The following SCFD2 variants were observed in gnomAD, a reference collection of about 807,000 sequenced individuals.
SCFD2 encodes the protein sec1 family domain-containing protein 2.
In SCFD2, 54 loss-of-function variants were observed where a neutral mutation model predicts 58.9. That is an observed-to-expected ratio of 0.92 (90% CI 0.74 to 1.15). The LOEUF (loss-of-function observed/expected upper bound fraction) is 1.15, where lower values mean the gene tolerates loss of function less well. Ranked by LOEUF, SCFD2 falls within the 50% of genes most tolerant of loss-of-function variation. The probability of loss-of-function intolerance (pLI) is 0.00; values close to 1 mark genes in which losing one functional copy is unlikely to be tolerated. For missense variants in SCFD2, 805 were observed against 836.6 expected (o/e 0.96, Z 0.47); for synonymous variants, 321 against 335.9 (o/e 0.96, Z 0.49).
chr4:53,163,454 G>A (rs1190543047), intron 4 of SCFD2, among the ~76,000 whole-genome samples: 1 of 152,090 alleles, frequency 6.6e-6, no homozygotes, highest in Non-Finnish European at 1.5e-5. Flanking sequence ...CCAGGCGCAG[G>A]GGCTCACACC....
At chr4:53,332,569 A>T (rs1444080544) in intron 2 of SCFD2, among the ~76,000 whole-genome samples, 4 of 152,256 alleles carry the variant, frequency 2.6e-5, no homozygotes, top group Admixed American at 1.3e-4. Flanking sequence ...AAAAACTCTC[A>T]ATAAATTAGG....
At chr4:53,154,247 T>G (rs1389375731) in intron 4 of SCFD2, among the ~76,000 whole-genome samples, 1 of 152,232 alleles carries the variant, frequency 6.6e-6, no homozygotes. Flanking sequence ...CTCACAGTTC[T>G]GCAGGCTGTA....
chr4:53,186,716 A>G (rs1235147143), intron 4 of SCFD2, among the ~76,000 whole-genome samples: 2 of 152,086 alleles, frequency 1.3e-5, no homozygotes, highest in Non-Finnish European at 2.9e-5. Context: ...TAGAGGTAGA[A>G]GGCCTAAATA....
intron 4 of SCFD2, among the ~76,000 whole-genome samples, chr4:53,230,903 T>C (rs1729416494): frequency 6.6e-6 from 1 of 152,248 alleles, no homozygotes; most frequent in African/African-American, 2.4e-5. Context: ...TAAAGAACTA[T>C]ACATACATCA....
chr4:53,340,830 G>A (rs994222333), intron 2 of SCFD2, among the ~76,000 whole-genome samples: 6 of 152,330 alleles, frequency 3.9e-5, no homozygotes, highest in African/African-American at 1.2e-4. Context: ...AGCCTCCGCT[G>A]CTGATACCCA....
At chr4:53,110,549 A>G (rs1725139550) in intron 5 of SCFD2, among the ~76,000 whole-genome samples, 1 of 152,046 alleles carries the variant, frequency 6.6e-6, no homozygotes, top group African/African-American at 2.4e-5. Context: ...TTACAAGAAA[A>G]CAAACAAACA....
At chr4:53,138,128 A>G (rs183759682) in intron 5 of SCFD2, among the ~76,000 whole-genome samples, 30 of 152,272 alleles carry the variant, frequency 2.0e-4, no homozygotes, top group Non-Finnish European at 3.5e-4. Context: ...GTGGTGGGAG[A>G]AAAATAGCCT....
At chr4:53,311,719 T>G (rs1423703715) in intron 3 of SCFD2, among the ~76,000 whole-genome samples, 2 of 151,906 alleles carry the variant, frequency 1.3e-5, no homozygotes, top group African/African-American at 2.4e-5. Context: ...CACTGGAACC[T>G]CTGCCTTCTG....
intron 5 of SCFD2, among the ~76,000 whole-genome samples, chr4:53,135,819 T>C (rs1245436202): frequency 6.6e-6 from 1 of 152,180 alleles, no homozygotes; most frequent in East Asian, 1.9e-4. Context: ...TATACATCCC[T>C]GCCATTTATC....
intron 4 of SCFD2, among the ~76,000 whole-genome samples, chr4:53,157,420 A>C (rs573110693): frequency 6.6e-6 from 1 of 152,224 alleles, no homozygotes; most frequent in Admixed American, 6.5e-5. Context: ...ATCCACAAGC[A>C]TCTAAAAAAG....
intron 3 of SCFD2, 128 bp from the exon 4 acceptor site, chr4:53,274,129 A>G (rs1731260283): frequency 1.4e-6 from 1 of 703,562 alleles, no homozygotes; most frequent in South Asian, 3.0e-5. Flanking sequence ...AGCTTTCCTA[A>G]GCTATTGTGA....
intron 3 of SCFD2, among the ~76,000 whole-genome samples, chr4:53,299,871 A>C (rs1732206815): frequency 6.6e-6 from 1 of 152,210 alleles, no homozygotes; most frequent in South Asian, 2.1e-4. Flanking sequence ...AACGAGAAAT[A>C]AAATCCTTTA....
At chr4:52,985,523 G>C (rs1721468525) in intron 5 of SCFD2, among the ~76,000 whole-genome samples, 1 of 151,836 alleles carries the variant, frequency 6.6e-6, no homozygotes, top group African/African-American at 2.4e-5. Flanking sequence ...ATAAATTTGA[G>C]GGTGTTTTGG....
intron 5 of SCFD2, among the ~76,000 whole-genome samples, chr4:52,955,088 T>C (rs1299229669): frequency 6.6e-6 from 1 of 152,104 alleles, no homozygotes; most frequent in Admixed American, 6.5e-5. Context: ...CTTTGTCCTC[T>C]CTCCCACAAG....
chr4:52,912,446 C>T (rs924566282), intron 6 of SCFD2, among the ~76,000 whole-genome samples: 15 of 151,874 alleles, frequency 9.9e-5, no homozygotes, highest in Non-Finnish European at 1.8e-4. Context: ...TAACCAAAAG[C>T]ATAGTAAACG....
chr4:52,984,097 A>G (rs768409345), intron 5 of SCFD2, among the ~76,000 whole-genome samples: 1 of 152,180 alleles, frequency 6.6e-6, no homozygotes, highest in African/African-American at 2.4e-5. Flanking sequence ...AGAATGGTGG[A>G]TTGTTCAAAA....
intron 4 of SCFD2, among the ~76,000 whole-genome samples, chr4:53,232,738 A>T (rs80332214): frequency 1.4e-3 from 206 of 152,270 alleles, no homozygotes; most frequent in African/African-American, 4.7e-3. Context: ...TCTTTAGGAG[A>T]TTCGGATCAT....
intron 8 of SCFD2, among the ~76,000 whole-genome samples, chr4:52,882,281 G>C (rs1240518555): frequency 6.6e-6 from 1 of 152,080 alleles, no homozygotes; most frequent in Admixed American, 6.5e-5. Flanking sequence ...TGGGGAAGAG[G>C]GATGAATCTC....
At chr4:53,097,916 T>A (rs1724707539) in intron 5 of SCFD2, among the ~76,000 whole-genome samples, 1 of 152,196 alleles carries the variant, frequency 6.6e-6, no homozygotes, top group Admixed American at 6.5e-5. Flanking sequence ...TTGAGAGTTG[T>A]TAGCATGAAG....
Sources: gnomAD v4.1 joint callset for allele counts (sites outside exome capture counted in the v4.1 genomes callset) on GRCh38, gnomAD v4.1.1 for gene constraint, MANE v1.5 for transcripts, NCBI Gene and HGNC (gene_info 2026-07-23, HGNC 2026-07-21) for gene names.